Variants in DNAH9 observed in about 807,000 individuals in gnomAD.
DNAH9 encodes dynein axonemal heavy chain 9.
DNAH9 carries 345 observed loss-of-function variants against 471.6 expected under a neutral mutation model. The ratio of observed to expected loss-of-function variants is 0.73; its 90% CI spans 0.67 to 0.80. The LOEUF is 0.80. Ranked by LOEUF, DNAH9 falls within the 30% of genes least tolerant of loss-of-function variation. The pLI is 0.00. For synonymous variants in DNAH9, 2,093 were observed against 2,123.6 expected (o/e 0.99, Z 0.40); for missense variants, 5,407 against 5,609.2 (o/e 0.96, Z 1.15).
chr17:11,670,972 G>A (rs928951075), intron 17 of DNAH9, among the ~76,000 whole-genome samples: 15 of 152,110 alleles, frequency 9.9e-5, no homozygotes, highest in African/African-American at 3.6e-4. Context: ...CAAAGTGCTG[G>A]GATTACAGGT....
In DNAH9 at chr17:11,880,200, G is replaced by T; in HGVS notation, c.10601G>T (p.Arg3534Leu). 8 of 1,612,916 alleles carry T rather than the reference G, an allele frequency of 5.0e-6. No individual in the cohort carries two copies. The highest frequency in any genetic ancestry group is 6.8e-6 in the Non-Finnish European group (8 of 1,179,512). ...GGGAGAGAAGTCATTAAAAAAGGAC[G>T]GTAAGACTCAGCTGTGTTGCTGACC... ...LLGREVIKKG[R>L]FIKIGDKECE... is the part of the protein sequence containing the mutation. Residue 3534 changes from arginine to leucine, a missense_variant and splice_region_variant, in exon 54 of 69, where the codon CGA (arginine) becomes CTA (leucine). Transcript: ENST00000262442.
At chr17:11,617,316 T>A in intron 4 of DNAH9, 95 bp from the exon 5 acceptor site, 1 of 775,132 alleles carries the variant, frequency 1.3e-6, no homozygotes, top group Admixed American at 2.7e-5. Context: ...CTCTGCTTGT[T>A]GTTTTGCAGG....
chr17:11,720,626 G>A (rs1239489594), intron 27 of DNAH9, among the ~76,000 whole-genome samples: 3 of 152,174 alleles, frequency 2.0e-5, no homozygotes, highest in Non-Finnish European at 4.4e-5. Flanking sequence ...TAAATTTAAT[G>A]TAGTTATAAT....
chr17:11,769,578 A>G (rs1567789517), intron 38 of DNAH9, among the ~76,000 whole-genome samples: 1 of 152,210 alleles, frequency 6.6e-6, no homozygotes, highest in South Asian at 2.1e-4. Context: ...CTCAAGAGCA[A>G]GGTGTTCAAC....
intron 67 of DNAH9, among the ~76,000 whole-genome samples, chr17:11,948,297 C>G (rs1353269991): frequency 1.4e-5 from 2 of 140,472 alleles, no homozygotes; most frequent in Non-Finnish European, 3.0e-5. Flanking sequence ...GACACGATCT[C>G]GGCTCACTGC....
chr17:11,660,867 TG>T (rs890009079), intron 14 of DNAH9, among the ~76,000 whole-genome samples: 2 of 152,146 alleles, frequency 1.3e-5, no homozygotes, highest in African/African-American at 2.4e-5. Flanking sequence ...CTTCTTTTGT[TG>T]GGGGTAGTGT....
intron 59 of DNAH9, among the ~76,000 whole-genome samples, chr17:11,900,503 C>CAAAAAAAAAAAA (rs71367356): frequency 9.2e-6 from 1 of 108,128 alleles, no homozygotes. Context: ...CTTCCCCTGC[C>CAAAAAAAAAAAA]AAAAAAAAAA....
At chr17:11,769,390 A>T in intron 38 of DNAH9, 61 bp downstream of exon 38, 1 of 1,470,746 alleles carries the variant, frequency 6.8e-7, no homozygotes, top group Non-Finnish European at 9.3e-7. Context: ...CCTGACACAG[A>T]GCTGAAGCCA....
chr17:11,822,571 G>T lies in DNAH9; in HGVS notation c.8984G>T (p.Arg2995Leu), dbSNP rs774057126. The T allele has an allele frequency of 6.2e-7, 1 of 1,614,146 alleles. No homozygotes were observed. Among genetic ancestry groups the T allele is most frequent in the Non-Finnish European group, 8.5e-7 (1 of 1,180,030 alleles). The part of the protein sequence containing the change: ...PQQALESVSL[R>L]FLQNTEGIEP... ...CAAGCATTGGAGTCTGTCAGCCTCC[G>T]CTTCTTGCAGAACACAGAGGGCATT... is the stretch of plus-strand genomic sequence containing the variant. The change falls in exon 47 of 69, where the codon CGC becomes CTC. Residue 2995 changes from arginine (R) to leucine (L), a missense_variant. This residue lies in a region of DNAH9 where 4,636 missense variants were observed against 4,900.3 expected (regional missense o/e 0.95). Transcript: ENST00000262442.
chr17:11,880,638 G>A (rs902237895), intron 54 of DNAH9, among the ~76,000 whole-genome samples: 8 of 152,154 alleles, frequency 5.3e-5, no homozygotes, highest in Non-Finnish European at 1.0e-4. Context: ...GCAAAGCAGG[G>A]GGTGGTGTGG....
intron 26 of DNAH9, among the ~76,000 whole-genome samples, chr17:11,717,538 C>T (rs973686722): frequency 6.6e-6 from 1 of 152,072 alleles, no homozygotes; most frequent in Non-Finnish European, 1.5e-5. Context: ...TTTGGACACC[C>T]CCTCACATGG....
chr17:11,756,644 G>A lies in DNAH9; in HGVS notation c.6815G>A (p.Arg2272His), dbSNP rs200338636. 9.9e-5 allele frequency: 159 copies of A among 1,612,740 alleles called. No homozygotes were observed. The East Asian group carries it at 2.0e-3, about 21-fold the overall frequency. The change falls in exon 34 of 69, where the codon CGC (arginine) becomes CAC (histidine). Residue 2272 changes from arginine (R) to histidine (H), a missense_variant. Physicochemically the swap from Arg to His is conservative, Grantham distance 29. Coordinates refer to ENST00000262442, the MANE Select transcript of DNAH9 (RefSeq NM_001372.4). ...MKLLFEISHL[R>H]TATPATVSRA... is the part of the protein sequence containing the mutation. ...CTCCTCTTTGAGATCAGCCACCTGC[G>A]CACAGCCACTCCAGCAACTGTCTCT...
chr17:11,791,175 A>G (rs1969049957), intron 41 of DNAH9, among the ~76,000 whole-genome samples: 2 of 152,156 alleles, frequency 1.3e-5, no homozygotes, highest in South Asian at 4.1e-4. Flanking sequence ...GACCAAAAAT[A>G]TATTTCTTAT....
chr17:11,619,317 G>T (rs2072806745), intron 5 of DNAH9, among the ~76,000 whole-genome samples: 1 of 152,158 alleles, frequency 6.6e-6, no homozygotes, highest in Admixed American at 6.5e-5. Flanking sequence ...GTGTTTCCTT[G>T]TCCCTGGCTA....
chr17:11,650,176 AG>A (rs1444865429), intron 12 of DNAH9, among the ~76,000 whole-genome samples: 2 of 152,170 alleles, frequency 1.3e-5, no homozygotes, highest in Non-Finnish European at 1.5e-5. Flanking sequence ...AATGCTGAGT[AG>A]GGTTTGCCCA....
chr17:11,694,734 T>TTC (rs1567725063), intron 22 of DNAH9, among the ~76,000 whole-genome samples: 1 of 2,772 alleles, frequency 3.6e-4, no homozygotes, highest in African/African-American at 5.2e-4. Context: ...CTCTTTCTCT[T>TTC]TCTTTCTTTC....
chr17:11,893,657 T>C (rs976154491), intron 58 of DNAH9, among the ~76,000 whole-genome samples: 3 of 151,364 alleles, frequency 2.0e-5, no homozygotes, highest in East Asian at 1.9e-4. Context: ...TAAGTGGGAG[T>C]TGAACAATGA....
At chr17:11,867,063 A>G (rs1391102330) in intron 50 of DNAH9, among the ~76,000 whole-genome samples, 1 of 152,222 alleles carries the variant, frequency 6.6e-6, no homozygotes, top group Non-Finnish European at 1.5e-5. Context: ...TCCTAGTGAG[A>G]TGAACCTGGT....
chr17:11,942,507 A>C, intron 67 of DNAH9, 22 bp downstream of exon 67: 2 of 1,605,434 alleles, frequency 1.2e-6, no homozygotes, highest in South Asian at 1.1e-5. Context: ...CTTGTAAGGC[A>C]TGGAGGGGAC....
Sources: allele counts gnomAD v4.1 joint callset (sites outside exome capture counted in the v4.1 genomes callset), GRCh38; gene constraint gnomAD v4.1.1; regional missense constraint gnomAD v4.1.1; transcripts MANE v1.5; gene names NCBI Gene and HGNC (gene_info 2026-07-23, HGNC 2026-07-21).